The following GPC6 variants were observed in gnomAD, a reference collection of about 807,000 sequenced individuals.
GPC6 encodes the protein glypican 6.
A neutral mutation model predicts 55.2 loss-of-function variants in GPC6; 14 were observed. The observed-to-expected ratio is 0.25, with a 90% CI of 0.17 to 0.40. The LOEUF (loss-of-function observed/expected upper bound fraction) is 0.40. GPC6 is among the 10% of genes least tolerant of loss of function. The pLI is 1.00. For synonymous variants in GPC6, 278 were observed against 259.6 expected (o/e 1.07, Z -0.68); for missense variants, 641 against 708.5 (o/e 0.90, Z 1.08).
At chr13:94,030,580 C>T (rs1180496610) in intron 4 of GPC6, among the ~76,000 whole-genome samples, 1 of 152,080 alleles carries the variant, frequency 6.6e-6, no homozygotes, top group Admixed American at 6.6e-5. Flanking sequence ...GATCAGTGAG[C>T]AAATCGGTAA....
At chr13:94,209,906 C>A (rs1411750219) in intron 4 of GPC6, among the ~76,000 whole-genome samples, 1 of 152,056 alleles carries the variant, frequency 6.6e-6, no homozygotes, top group African/African-American at 2.4e-5. Flanking sequence ...AATGCAGTGG[C>A]ACGAACACAG....
At chr13:94,378,425 G>C (rs1449490300) in intron 6 of GPC6, among the ~76,000 whole-genome samples, 6 of 152,122 alleles carry the variant, frequency 3.9e-5, no homozygotes, top group African/African-American at 1.4e-4. Context: ...TTGCTATTCT[G>C]TTTTTAGCAA....
intron 3 of GPC6, among the ~76,000 whole-genome samples, chr13:93,905,149 C>A (rs1876593236): frequency 1.4e-5 from 2 of 142,592 alleles, no homozygotes; most frequent in South Asian, 4.4e-4. Flanking sequence ...CCCTCATGTT[C>A]ATTTTAGAAT....
chr13:94,312,735 C>CACACACACACACAT (rs757317085), intron 6 of GPC6, among the ~76,000 whole-genome samples: 6,280 of 140,608 alleles, frequency 0.045, 307 homozygotes, highest in African/African-American at 0.15. Context: ...CACACACACA[C>CACACACACACACAT]ACACACATGC....
intron 4 of GPC6, among the ~76,000 whole-genome samples, chr13:94,114,903 G>C (rs987145580): frequency 1.3e-5 from 2 of 151,940 alleles, no homozygotes; most frequent in African/African-American, 4.8e-5. Context: ...TAGAAAACGA[G>C]ACATAAAAGT....
chr13:93,879,788 T>C (rs921675369), intron 3 of GPC6, among the ~76,000 whole-genome samples: 2 of 151,808 alleles, frequency 1.3e-5, no homozygotes, highest in African/African-American at 4.8e-5. Context: ...ACCTACAAAA[T>C]GGGAGAAAAT....
At chr13:94,041,389 G>A (rs1883526465) in intron 4 of GPC6, among the ~76,000 whole-genome samples, 1 of 151,836 alleles carries the variant, frequency 6.6e-6, no homozygotes, top group South Asian at 2.1e-4. Context: ...AATTGAGAGA[G>A]CAAGGATACA....
intron 4 of GPC6, among the ~76,000 whole-genome samples, chr13:94,064,828 T>C (rs1481929262): frequency 6.6e-6 from 1 of 152,154 alleles, no homozygotes; most frequent in Non-Finnish European, 1.5e-5. Context: ...AAAATAGACA[T>C]TGTCATAATT....
chr13:94,047,651 C>T (rs1171959930), intron 4 of GPC6, among the ~76,000 whole-genome samples: 1 of 152,072 alleles, frequency 6.6e-6, no homozygotes, highest in Non-Finnish European at 1.5e-5. Context: ...TACAAATATT[C>T]ATTGTAATAA....
At position 94,297,883 on chromosome 13, in the gene GPC6, G is replaced by T. The variant is rs762084508; in HGVS notation, c.1009-8097G>T. On this transcript the variant is annotated intron_variant, in intron 5 of 8. Coordinates refer to ENST00000377047, the MANE Select transcript of GPC6 (RefSeq NM_005708.5). ...AGGACCATTGTAATCAATCTTTAAG[G>T]AAAGAAACGCATGAATCAGGGAGCA... 5.5e-4 allele frequency among the ~76,000 whole-genome samples: 84 copies of T among 152,120 alleles called. 1 individual carries two copies. The highest frequency in any genetic ancestry group is 9.3e-4 in the Non-Finnish European group (63 of 67,994).
chr13:94,033,827 G>C (rs536357172), intron 4 of GPC6, among the ~76,000 whole-genome samples: 1 of 152,200 alleles, frequency 6.6e-6, no homozygotes, highest in South Asian at 2.1e-4. Context: ...GTATATAGCA[G>C]CAAACTTTCA....
chr13:93,927,674 G>A (rs1412813537), intron 3 of GPC6, among the ~76,000 whole-genome samples: 1 of 131,598 alleles, frequency 7.6e-6, no homozygotes, highest in African/African-American at 3.0e-5. Context: ...CTTAGCTTCA[G>A]TTCCTTCTTT....
intron 1 of GPC6, among the ~76,000 whole-genome samples, chr13:93,301,563 G>A (rs1251072645): frequency 6.6e-6 from 1 of 152,140 alleles, no homozygotes; most frequent in Non-Finnish European, 1.5e-5. Flanking sequence ...GAAGGACAAG[G>A]AGAAGTACAG....
chr13:93,649,633 A>G (rs188199877), intron 2 of GPC6, among the ~76,000 whole-genome samples: 9 of 152,278 alleles, frequency 5.9e-5, no homozygotes, highest in South Asian at 2.1e-4. Flanking sequence ...TCTTAGGCCA[A>G]TTTAGCTTCT....
intron 6 of GPC6, among the ~76,000 whole-genome samples, chr13:94,309,916 T>C (rs1876150785): frequency 6.6e-6 from 1 of 152,230 alleles, no homozygotes; most frequent in South Asian, 2.1e-4. Flanking sequence ...TTGTTTGTAC[T>C]CAGGAAGAGA....
intron 1 of GPC6, among the ~76,000 whole-genome samples, chr13:93,505,406 C>T (rs1466166309): frequency 1.3e-5 from 2 of 150,760 alleles, no homozygotes; most frequent in African/African-American, 4.9e-5. Flanking sequence ...TGTTTAAAAA[C>T]TCTCATTCTC....
intron 2 of GPC6, among the ~76,000 whole-genome samples, chr13:93,681,429 TG>T (rs2138765977): frequency 6.6e-6 from 1 of 152,260 alleles, no homozygotes; most frequent in Non-Finnish European, 1.5e-5. Context: ...TGGGGGTATA[TG>T]TTTGTGAATG....
intron 2 of GPC6, among the ~76,000 whole-genome samples, chr13:93,581,112 G>C (rs1876916336): frequency 6.6e-6 from 1 of 152,068 alleles, no homozygotes. Flanking sequence ...CATTTTGCAA[G>C]ACACTAAAGG....
chr13:93,347,662 A>G (rs1320735851), intron 1 of GPC6, among the ~76,000 whole-genome samples: 1 of 152,162 alleles, frequency 6.6e-6, no homozygotes, highest in Non-Finnish European at 1.5e-5. Context: ...TGCACTTGCT[A>G]CTGTAGAATT....
Sources: gnomAD v4.1 joint callset for allele counts (sites outside exome capture counted in the v4.1 genomes callset) on GRCh38, gnomAD v4.1.1 for gene constraint, MANE v1.5 for transcripts, NCBI Gene and HGNC (gene_info 2026-07-23, HGNC 2026-07-21) for gene names.